Variants in SRGAP1 observed in about 807,000 individuals in gnomAD.
The protein encoded by SRGAP1 is SLIT-ROBO Rho GTPase-activating protein 1.
Under a neutral mutation model 121.9 loss-of-function variants are expected in SRGAP1, and 43 were observed. The ratio of observed to expected loss-of-function variants is 0.35; its 90% CI spans 0.28 to 0.46. SRGAP1 has a LOEUF of 0.46. Among genes scored for constraint, SRGAP1 ranks in the 20% least tolerant of loss-of-function variants. The pLI, the probability that SRGAP1 is intolerant of heterozygous loss-of-function variation, is 1.00. For synonymous variants in SRGAP1, 447 were observed against 485.4 expected (o/e 0.92, Z 1.04); for missense variants, 1,102 against 1,350.9 (o/e 0.82, Z 2.89).
chr12:63,992,227 T>C (rs897330097), intron 3 of SRGAP1, among the ~76,000 whole-genome samples: 1 of 152,198 alleles, frequency 6.6e-6, no homozygotes, highest in Non-Finnish European at 1.5e-5. Flanking sequence ...GATGTGTATT[T>C]TGTAAGTCAG....
At chr12:63,949,529 G>A (rs1328230485) in intron 1 of SRGAP1, among the ~76,000 whole-genome samples, 2 of 151,160 alleles carry the variant, frequency 1.3e-5, no homozygotes, top group African/African-American at 4.9e-5. Flanking sequence ...CCGGGTTTGC[G>A]CCATTCTCCT....
At chr12:63,887,991 C>T (rs1043624661) in intron 1 of SRGAP1, 1 of 152,236 alleles carries the variant, frequency 6.6e-6, no homozygotes, top group Non-Finnish European at 1.5e-5. Flanking sequence ...AGTTGAGGTT[C>T]CCTCAATCCA....
At chr12:63,921,872 C>CA (rs200151747) in intron 1 of SRGAP1, among the ~76,000 whole-genome samples, 283 of 151,548 alleles carry the variant, frequency 1.9e-3, no homozygotes, top group African/African-American at 5.6e-3. Context: ...ATAAACTCTT[C>CA]AAAAAAAACT....
At chr12:63,898,858 T>G (rs1418302554) in intron 1 of SRGAP1, among the ~76,000 whole-genome samples, 1 of 152,178 alleles carries the variant, frequency 6.6e-6, no homozygotes, top group African/African-American at 2.4e-5. Context: ...AAACCTCACG[T>G]GTTTGCCTTT....
chr12:64,053,951 A>T (rs534163875), intron 6 of SRGAP1, among the ~76,000 whole-genome samples: 2 of 152,210 alleles, frequency 1.3e-5, no homozygotes, highest in South Asian at 4.1e-4. Context: ...GATTCAACAC[A>T]CTGAAAATAT....
At chr12:63,981,289 G>T (rs901889384) in intron 1 of SRGAP1, among the ~76,000 whole-genome samples, 1 of 152,056 alleles carries the variant, frequency 6.6e-6, no homozygotes, top group African/African-American at 2.4e-5. Context: ...TAATTTTTGT[G>T]TATTTCTGAT....
chr12:64,135,762 G>C (rs699631), intron 21 of SRGAP1, among the ~76,000 whole-genome samples: 1 of 152,128 alleles, frequency 6.6e-6, no homozygotes, highest in African/African-American at 2.4e-5. Flanking sequence ...TTAATATTCT[G>C]TCCCTCTAGA....
intron 6 of SRGAP1, among the ~76,000 whole-genome samples, chr12:64,062,418 T>C (rs1483909590): frequency 6.6e-6 from 1 of 152,238 alleles, no homozygotes; most frequent in Non-Finnish European, 1.5e-5. Context: ...GTAAGAGTTC[T>C]TTATATATTC....
chr12:64,058,892 T>C (rs1170730585), intron 6 of SRGAP1, among the ~76,000 whole-genome samples: 1 of 152,170 alleles, frequency 6.6e-6, no homozygotes, highest in Non-Finnish European at 1.5e-5. Context: ...TTCTGTATCT[T>C]GTTTCTAGTT....
intron 3 of SRGAP1, among the ~76,000 whole-genome samples, chr12:64,008,167 A>G (rs2034143973): frequency 6.6e-6 from 1 of 152,304 alleles, no homozygotes; most frequent in Admixed American, 6.5e-5. Flanking sequence ...CAGCGGAAAC[A>G]GCTCAGAGAA....
chr12:64,050,811 A>C (rs912893421), intron 6 of SRGAP1, among the ~76,000 whole-genome samples: 2 of 152,010 alleles, frequency 1.3e-5, no homozygotes, highest in African/African-American at 4.8e-5. Flanking sequence ...TGCAACCTCC[A>C]CCTCCCAGGT....
At chr12:63,970,521 T>A (rs1433384645) in intron 1 of SRGAP1, among the ~76,000 whole-genome samples, 1 of 152,200 alleles carries the variant, frequency 6.6e-6, no homozygotes, top group Non-Finnish European at 1.5e-5. Flanking sequence ...AATGATATAT[T>A]TTTAAAGAAG....
chr12:64,099,814 T>G (rs1030341237), intron 15 of SRGAP1, among the ~76,000 whole-genome samples: 5 of 152,246 alleles, frequency 3.3e-5, no homozygotes, highest in Non-Finnish European at 7.3e-5. Context: ...AACATGTACA[T>G]GTACCAATTG....
At chr12:63,902,011 A>G (rs2029954208) in intron 1 of SRGAP1, among the ~76,000 whole-genome samples, 1 of 152,248 alleles carries the variant, frequency 6.6e-6, no homozygotes, top group African/African-American at 2.4e-5. Flanking sequence ...CAAAATCAAG[A>G]CATGTTTTAC....
intron 1 of SRGAP1, among the ~76,000 whole-genome samples, chr12:63,900,914 G>A (rs1020504057): frequency 6.6e-6 from 1 of 151,994 alleles, no homozygotes; most frequent in African/African-American, 2.4e-5. Flanking sequence ...TATAACAGGA[G>A]TGAGCAGTAG....
At chr12:63,913,191 CTTCTTTTTTTTTTTTT>C (rs2030594512) in intron 1 of SRGAP1, among the ~76,000 whole-genome samples, 1 of 111,810 alleles carries the variant, frequency 8.9e-6, no homozygotes, top group Non-Finnish European at 1.8e-5. Context: ...CTGGTAAATC[CTTCTTTTTTTTTTTTT>C]TTTTTTTTTT....
chr12:63,902,934 A>T (rs1181020903), intron 1 of SRGAP1, among the ~76,000 whole-genome samples: 1 of 152,194 alleles, frequency 6.6e-6, no homozygotes, highest in East Asian at 1.9e-4. Flanking sequence ...ATTAGATTGT[A>T]AACAGTTTAA....
chr12:63,955,639 C>T (rs972241782), intron 1 of SRGAP1, among the ~76,000 whole-genome samples: 3 of 151,606 alleles, frequency 2.0e-5, no homozygotes, highest in African/African-American at 7.3e-5. Context: ...TGGTTTTCTT[C>T]ATAAGCCATC....
intron 18 of SRGAP1, among the ~76,000 whole-genome samples, chr12:64,120,117 A>G (rs765539428): frequency 6.6e-6 from 1 of 151,982 alleles, no homozygotes; most frequent in Non-Finnish European, 1.5e-5. Context: ...GTGCTTTTAT[A>G]TCTGCTGCTT....
Sources: allele counts gnomAD v4.1 joint callset (sites outside exome capture counted in the v4.1 genomes callset), GRCh38; gene constraint gnomAD v4.1.1; transcripts MANE v1.5; gene names NCBI Gene and HGNC (gene_info 2026-07-23, HGNC 2026-07-21).